Variants in LINGO2 observed in about 807,000 individuals in gnomAD.
LINGO2 encodes leucine rich repeat and Ig domain containing 2, also known as leucine-rich repeat and immunoglobulin-like domain-containing nogo receptor-interacting protein 2.
A neutral mutation model predicts 30.6 loss-of-function variants in LINGO2; 14 were observed. The observed-to-expected ratio is 0.46, with a 90% CI of 0.30 to 0.72. LINGO2 has a LOEUF of 0.72. Ranked by LOEUF, LINGO2 falls within the 30% of genes least tolerant of loss-of-function variation. The pLI is 0.07. For synonymous variants in LINGO2, 317 were observed against 288.5 expected (o/e 1.10, Z -1.00); for missense variants, 729 against 751.7 (o/e 0.97, Z 0.35).
At chr9:28,583,345 T>A (rs1388342947) in intron 1 of LINGO2, among the ~76,000 whole-genome samples, 1 of 151,974 alleles carries the variant, frequency 6.6e-6, no homozygotes, top group Non-Finnish European at 1.5e-5. Context: ...ATTGCAAAAA[T>A]TTTTTAAATG....
the LINGO2 span, among the ~76,000 whole-genome samples, chr9:28,735,015 A>G: frequency 6.6e-6 from 1 of 152,206 alleles, no homozygotes; most frequent in Admixed American, 6.5e-5. Context: ...CCATTCTCCT[A>G]TTGATGGACA....
chr9:28,933,510 A>G, the LINGO2 span, among the ~76,000 whole-genome samples: 1 of 81,742 alleles, frequency 1.2e-5, no homozygotes, highest in Non-Finnish European at 2.8e-5. Flanking sequence ...GTAGGAGAAG[A>G]CAATATAGAA....
At chr9:28,197,516 G>A (rs1391193427) in intron 4 of LINGO2, among the ~76,000 whole-genome samples, 3 of 151,882 alleles carry the variant, frequency 2.0e-5, no homozygotes. Context: ...TAGTAATTGG[G>A]AAAAATAATA....
the LINGO2 span, among the ~76,000 whole-genome samples, chr9:28,878,150 G>T: frequency 6.8e-6 from 1 of 147,368 alleles, no homozygotes; most frequent in Non-Finnish European, 1.5e-5. Context: ...AAATGATAAA[G>T]GGGATATCAC....
At chr9:29,061,639 A>G in the LINGO2 span, among the ~76,000 whole-genome samples, 18 of 152,180 alleles carry the variant, frequency 1.2e-4, no homozygotes, top group East Asian at 3.3e-3. Context: ...ACGCAAAAGA[A>G]TAAGTTTGGA....
At chr9:28,738,196 C>A in the LINGO2 span, among the ~76,000 whole-genome samples, 1 of 152,108 alleles carries the variant, frequency 6.6e-6, no homozygotes, top group African/African-American at 2.4e-5. Flanking sequence ...TGAAACAACT[C>A]CAGTCACCAA....
At chr9:29,199,713 T>C in the LINGO2 span, among the ~76,000 whole-genome samples, 258 of 152,322 alleles carry the variant, frequency 1.7e-3, 1 homozygote, top group Middle Eastern at 0.01. Context: ...TTCATGTGAT[T>C]AGCAGTAATT....
At chr9:28,464,440 GT>G (rs1825214327) in intron 2 of LINGO2, among the ~76,000 whole-genome samples, 1 of 152,066 alleles carries the variant, frequency 6.6e-6, no homozygotes, top group Non-Finnish European at 1.5e-5. Flanking sequence ...GGTTGTTTTC[GT>G]TTGCTGTACA....
At chr9:28,671,409 C>A (rs1258978786), upstream of LINGO2, among the ~76,000 whole-genome samples, 1 of 142,648 alleles carries the variant, frequency 7.0e-6, no homozygotes, top group Non-Finnish European at 1.5e-5. Flanking sequence ...ATTGGATAAA[C>A]AAAATGTGGT....
chr9:28,506,515 T>TATATATATATATAG (rs1554729666), intron 1 of LINGO2, among the ~76,000 whole-genome samples: 3 of 100,606 alleles, frequency 3.0e-5, no homozygotes, highest in African/African-American at 7.4e-5. Context: ...CATATATATA[T>TATATATATATATAG]ATATATAAAC....
the LINGO2 span, among the ~76,000 whole-genome samples, chr9:28,966,631 C>A: frequency 7.2e-5 from 11 of 152,008 alleles, no homozygotes; most frequent in African/African-American, 2.4e-4. Context: ...TGTCACTTAG[C>A]GTATGGTAGA....
intron 3 of LINGO2, among the ~76,000 whole-genome samples, chr9:28,371,883 A>T (rs1820912511): frequency 6.6e-6 from 1 of 152,206 alleles, no homozygotes; most frequent in Admixed American, 6.5e-5. Flanking sequence ...CAGCAAGTTA[A>T]AATCGAATAC....
chr9:28,201,123 T>A (rs889872061), intron 4 of LINGO2, among the ~76,000 whole-genome samples: 1 of 151,254 alleles, frequency 6.6e-6, no homozygotes, highest in African/African-American at 2.4e-5. Flanking sequence ...CATGTGCACA[T>A]TGTGCAGGTT....
chr9:28,662,221 C>T (rs1281628286), intron 1 of LINGO2, among the ~76,000 whole-genome samples: 3 of 152,112 alleles, frequency 2.0e-5, no homozygotes, highest in Non-Finnish European at 4.4e-5. Context: ...AATCAGAATC[C>T]AGAGCGGGGC....
At chr9:27,975,868 G>T (rs1368501896) in intron 5 of LINGO2, among the ~76,000 whole-genome samples, 1 of 151,652 alleles carries the variant, frequency 6.6e-6, no homozygotes, top group Non-Finnish European at 1.5e-5. Flanking sequence ...TATTTAATTT[G>T]TCTTTTGTGT....
the LINGO2 span, among the ~76,000 whole-genome samples, chr9:28,679,529 A>G: frequency 1.3e-5 from 2 of 152,076 alleles, no homozygotes; most frequent in African/African-American, 4.8e-5. Context: ...TAGAAATAGC[A>G]CTTTTTTGAG....
intron 1 of LINGO2, among the ~76,000 whole-genome samples, chr9:28,496,813 T>C (rs1276537338): frequency 4.6e-5 from 7 of 152,190 alleles, no homozygotes; most frequent in East Asian, 1.9e-4. Flanking sequence ...TTCCTTTCCA[T>C]GTTTAGTGCT....
intron 2 of LINGO2, among the ~76,000 whole-genome samples, chr9:28,421,522 T>A (rs1352254818): frequency 1.3e-5 from 2 of 151,446 alleles, no homozygotes; most frequent in South Asian, 4.2e-4. Flanking sequence ...TCACACTTTC[T>A]GATTTTAAAA....
chr9:28,949,062 A>T, the LINGO2 span, among the ~76,000 whole-genome samples: 17 of 152,034 alleles, frequency 1.1e-4, no homozygotes, highest in Non-Finnish European at 2.1e-4. Flanking sequence ...CCAAGTAAGA[A>T]ATTCGTGTTT....
Sources: allele counts gnomAD v4.1 joint callset (sites outside exome capture counted in the v4.1 genomes callset), GRCh38; gene constraint gnomAD v4.1.1; transcripts MANE v1.5; gene names NCBI Gene and HGNC (gene_info 2026-07-23, HGNC 2026-07-21).